Variants in CATSPER3 observed in about 807,000 individuals in gnomAD.
CATSPER3 encodes cation channel sperm-associated protein 3.
A neutral mutation model predicts 36.6 loss-of-function variants in CATSPER3; 23 were observed. That is an observed-to-expected ratio of 0.63 (90% CI 0.45 to 0.89). The LOEUF (loss-of-function observed/expected upper bound fraction) is 0.89, where lower values mean the gene tolerates loss of function less well. Among genes scored for constraint, CATSPER3 ranks in the 40% least tolerant of loss-of-function variants. The pLI is 0.00. For synonymous variants in CATSPER3, 172 were observed against 184.1 expected (o/e 0.93, Z 0.53); for missense variants, 474 against 503.9 (o/e 0.94, Z 0.57).
chr5:135,000,603 T>C (rs1752008647), intron 3 of CATSPER3, among the ~76,000 whole-genome samples: 1 of 152,202 alleles, frequency 6.6e-6, no homozygotes, highest in African/African-American at 2.4e-5. Flanking sequence ...TCAGAGCCTG[T>C]TATTGGTCTA....
intron 2 of CATSPER3, among the ~76,000 whole-genome samples, chr5:134,978,435 T>C (rs1036120992): frequency 6.6e-6 from 1 of 152,186 alleles, no homozygotes; most frequent in African/African-American, 2.4e-5. Context: ...ACAATTATTA[T>C]ATGTCAATTA....
intron 2 of CATSPER3, among the ~76,000 whole-genome samples, chr5:134,970,394 C>T (rs188690073): frequency 5.7e-4 from 87 of 152,064 alleles, no homozygotes; most frequent in Non-Finnish European, 1.0e-3. Context: ...CTCTTGACCT[C>T]GTGATCCACC....
intron 1 of CATSPER3, chr5:134,968,924 ACTG>A (rs2149544140): frequency 6.6e-6 from 1 of 152,298 alleles, no homozygotes; most frequent in South Asian, 2.1e-4. Context: ...GATTTTTTCT[ACTG>A]CTGATTTTTG....
chr5:135,008,353 C>T (rs1271767179), intron 4 of CATSPER3, among the ~76,000 whole-genome samples: 3 of 152,190 alleles, frequency 2.0e-5, no homozygotes, highest in Admixed American at 1.3e-4. Flanking sequence ...CCTTATAGTG[C>T]TTCCACATGT....
At chr5:135,002,092 G>T (rs900705488) in intron 3 of CATSPER3, among the ~76,000 whole-genome samples, 31 of 152,306 alleles carry the variant, frequency 2.0e-4, no homozygotes, top group African/African-American at 7.0e-4. Context: ...TTTTTGCAGT[G>T]GCTGTTACTG....
chr5:135,008,947 A>C lies in CATSPER3; in HGVS notation c.782A>C (p.Asn261Thr), dbSNP rs774010980. The change falls in exon 5 of 8, where the codon AAC becomes ACC. Residue 261 changes from asparagine (N) to threonine (T), a missense_variant. Coordinates refer to ENST00000282611, the MANE Select transcript of CATSPER3 (RefSeq NM_178019.3). Reference protein sequence around the residue: ...FILLASFIFLNMFVGVMIMHT... With the variant: ...FILLASFIFLTMFVGVMIMHT... Reference sequence around the variant, plus strand: ...TTGCTCGCCTCTTTCATCTTCCTCAACATGTTCGTGGGTGTGATGATCATG... The same window carrying C: ...TTGCTCGCCTCTTTCATCTTCCTCACCATGTTCGTGGGTGTGATGATCATG... 6.2e-7 allele frequency: 1 copy of C among 1,613,860 alleles called. No individual in the cohort carries two copies. Among genetic ancestry groups the C allele is most frequent in the African/African-American group, 1.3e-5 (1 of 75,032 alleles).
chr5:134,975,871 C>A (rs2149545819), intron 2 of CATSPER3, among the ~76,000 whole-genome samples: 1 of 152,246 alleles, frequency 6.6e-6, no homozygotes, highest in Non-Finnish European at 1.5e-5. Flanking sequence ...TGGAATCAAC[C>A]TAAGTGTTCA....
chr5:134,978,664 A>C (rs960307916), intron 2 of CATSPER3, among the ~76,000 whole-genome samples: 2 of 152,184 alleles, frequency 1.3e-5, no homozygotes, highest in Non-Finnish European at 2.9e-5. Flanking sequence ...AAAGGAAGAA[A>C]TAAAACTGTC....
At chr5:135,006,843 A>AT (rs1752094275) in intron 3 of CATSPER3, among the ~76,000 whole-genome samples, 1 of 101,032 alleles carries the variant, frequency 9.9e-6, no homozygotes, top group African/African-American at 2.9e-5. Context: ...CTCGAAAAAA[A>AT]AAAAAAATAA....
chr5:135,009,302 G>A, intron 5 of CATSPER3, 69 bp from the exon 6 acceptor site: 1 of 1,536,278 alleles, frequency 6.5e-7, no homozygotes, highest in Non-Finnish European at 9.0e-7. Context: ...CAAGACTGGG[G>A]AAGAGGAAAG....
intron 2 of CATSPER3, among the ~76,000 whole-genome samples, chr5:134,972,300 T>G (rs1751617671): frequency 6.6e-6 from 1 of 152,098 alleles, no homozygotes; most frequent in Non-Finnish European, 1.5e-5. Flanking sequence ...AACACTTCTG[T>G]TCCCAAGCAT....
At chr5:134,973,258 A>G (rs1417456794) in intron 2 of CATSPER3, among the ~76,000 whole-genome samples, 1 of 152,208 alleles carries the variant, frequency 6.6e-6, no homozygotes. Context: ...AGAATATAGT[A>G]TATAATGAAT....
rs540646289 is a variant in CATSPER3 at position 135,007,977 on chromosome 5, G to T, written c.513G>T (p.Gly171=). ...QGIRTLITAV[G]QTVYTVASVL... is the part of the protein sequence containing the mutation. ...TGCAGACGCTGATCACCGCCGTGGGGCAGACAGTCTACACCGTGGCCTCTG... is the reference window on the plus strand; with the variant it reads ...TGCAGACGCTGATCACCGCCGTGGGTCAGACAGTCTACACCGTGGCCTCTG... The change falls in exon 4 of 8, where the codon GGG becomes GGT. Residue 171 remains glycine (G), a synonymous_variant. Transcript: ENST00000282611. The T allele has an allele frequency of 2.5e-6, 4 of 1,614,060 alleles. No homozygotes were observed. Among genetic ancestry groups the T allele is most frequent in the Non-Finnish European group, 3.4e-6 (4 of 1,180,002 alleles).
In CATSPER3 at chr5:135,010,419, A is replaced by G; in HGVS notation, c.983A>G (p.Lys328Arg). 1 of 1,614,042 alleles carries G rather than the reference A, an allele frequency of 6.2e-7. No individual in the cohort carries two copies. Among genetic ancestry groups the G allele is most frequent in the East Asian group, 2.2e-5 (1 of 44,882 alleles). The change falls in exon 7 of 8, where the codon AAG becomes AGG. Residue 328 changes from lysine to arginine, a missense_variant. Physicochemically the swap from Lys to Arg is conservative, Grantham distance 26 (BLOSUM62 2). Transcript: ENST00000282611. ...TSFSELVENFKKTLSHTDPMV... is the reference protein window; with the variant it reads ...TSFSELVENFRKTLSHTDPMV... ...TTCAGTGAGCTGGTGGAGAACTTTA[A>G]GAAGACCTTGAGCCACACTGACCCA...
At chr5:134,971,416 G>C (rs1307316353) in intron 2 of CATSPER3, among the ~76,000 whole-genome samples, 3 of 152,068 alleles carry the variant, frequency 2.0e-5, no homozygotes, top group African/African-American at 7.2e-5. Context: ...GTGAGACCTT[G>C]TCCTAAACAA....
intron 7 of CATSPER3, among the ~76,000 whole-genome samples, chr5:135,010,821 T>C (rs1042466604): frequency 1.3e-5 from 2 of 152,202 alleles, no homozygotes; most frequent in African/African-American, 4.8e-5. Flanking sequence ...CACTAACCCC[T>C]TTTCAGAGTG....
At chr5:134,983,549 C>A (rs1751773973) in intron 2 of CATSPER3, among the ~76,000 whole-genome samples, 1 of 151,982 alleles carries the variant, frequency 6.6e-6, no homozygotes, top group Admixed American at 6.6e-5. Flanking sequence ...AATGAAGAAA[C>A]AAACCAAAGA....
chr5:134,982,752 A>G (rs1580905571), intron 2 of CATSPER3, among the ~76,000 whole-genome samples: 1 of 152,216 alleles, frequency 6.6e-6, no homozygotes, highest in East Asian at 1.9e-4. Flanking sequence ...ACAAAGAAAT[A>G]AAGAACTTGG....
chr5:134,969,101 T>C (rs1421534835), intron 1 of CATSPER3: 1 of 152,196 alleles, frequency 6.6e-6, no homozygotes, highest in African/African-American at 2.4e-5. Flanking sequence ...GGACATACCA[T>C]AATTTACTTA....
Sources: allele counts gnomAD v4.1 joint callset (sites outside exome capture counted in the v4.1 genomes callset), GRCh38; gene constraint gnomAD v4.1.1; transcripts MANE v1.5; gene names NCBI Gene and HGNC (gene_info 2026-07-23, HGNC 2026-07-21).